The following DSE variants were observed in gnomAD, a reference collection of about 807,000 sequenced individuals.
DSE encodes the protein dermatan sulfate epimerase, also known as dermatan-sulfate epimerase.
In DSE, 36 loss-of-function variants were observed where a neutral mutation model predicts 84.4. That is an observed-to-expected ratio of 0.43 (90% CI 0.33 to 0.56). DSE has a LOEUF of 0.56. Among genes scored for constraint, DSE ranks in the 20% least tolerant of loss-of-function variants. The pLI is 0.06. For missense variants in DSE, 862 were observed against 1,169.6 expected (o/e 0.74, Z 3.84); for synonymous variants, 410 against 430.1 (o/e 0.95, Z 0.58).
chr6:116,371,127 T>G lies in DSE; in HGVS notation c.-54+6T>G, dbSNP rs1485907989. 1 of 985,616 alleles carries G rather than the reference T, an allele frequency of 1.0e-6. No homozygotes were observed. Among genetic ancestry groups the G allele is most frequent in the African/African-American group, 1.8e-5 (1 of 57,072 alleles). 61.1% of individuals were successfully genotyped at this position (985,616 alleles called of 1,614,324 possible). A position where few individuals can be genotyped will look rare whatever the true frequency, so the allele number is the denominator to read the frequency against. ...CGAAGCCTCGGCTGGGAGCGGTAAGTGGAGGGGCGCGCAAGGGACGAGCTG... is the reference window on the plus strand; with the variant it reads ...CGAAGCCTCGGCTGGGAGCGGTAAGGGGAGGGGCGCGCAAGGGACGAGCTG... On this transcript the variant is annotated splice_donor_region_variant and intron_variant, in intron 1 of 5. Coordinates refer to ENST00000644252, the MANE Select transcript of DSE (RefSeq NM_013352.4).
chr6:116,429,561 C>T (rs1027136708), intron 3 of DSE, among the ~76,000 whole-genome samples: 3 of 151,998 alleles, frequency 2.0e-5, no homozygotes, highest in Admixed American at 1.3e-4. Flanking sequence ...AACAAGTCAG[C>T]GTTTCTGTTT....
intron 1 of DSE, among the ~76,000 whole-genome samples, chr6:116,390,161 A>T (rs1780808487): frequency 6.6e-6 from 1 of 151,836 alleles, no homozygotes; most frequent in East Asian, 1.9e-4. Context: ...TCTGCCACCC[A>T]GCTTCAAGCG....
chr6:116,367,396 G>C (rs1252296844), upstream of DSE, among the ~76,000 whole-genome samples: 1 of 152,170 alleles, frequency 6.6e-6, no homozygotes, highest in Non-Finnish European at 1.5e-5. Context: ...GTATAGTCAT[G>C]GACCAGACTG....
chr6:116,279,282 C>A lies in DSE; in HGVS notation c.-54+20315C>A. 1.2e-5 allele frequency: 19 copies of A among 1,569,140 alleles called. No individual in the cohort carries two copies. The highest frequency in any genetic ancestry group is 1.6e-5 in the Non-Finnish European group (19 of 1,170,160). On this transcript the variant is annotated intron_variant, in intron 2 of 3. Coordinates refer to the DSE transcript ENST00000430252. ...CCTCCATCTGCTCCTCCATTACCTC[C>A]TTCTCCGCCAGGCCTTCCTTCACCA... is the stretch of plus-strand genomic sequence containing the variant.
intron 2 of DSE, among the ~76,000 whole-genome samples, chr6:116,289,932 C>T (rs1774175421): frequency 6.6e-6 from 1 of 152,008 alleles, no homozygotes; most frequent in Admixed American, 6.6e-5. Context: ...TTTCATTCAT[C>T]ATCATAAATA....
At chr6:116,369,369 C>T (rs981333462), upstream of DSE, among the ~76,000 whole-genome samples, 6 of 152,222 alleles carry the variant, frequency 3.9e-5, no homozygotes, top group Non-Finnish European at 5.9e-5. Flanking sequence ...TACAGCTAGA[C>T]ACTTTCACAA....
intron 2 of DSE, among the ~76,000 whole-genome samples, chr6:116,259,609 CTT>C (rs1772317323): frequency 6.6e-6 from 1 of 152,200 alleles, no homozygotes; most frequent in Non-Finnish European, 1.5e-5. Context: ...AGATATTAAA[CTT>C]AGTACCTATG....
intron 2 of DSE, among the ~76,000 whole-genome samples, chr6:116,410,247 C>T (rs1029037802): frequency 1.3e-5 from 2 of 152,134 alleles, no homozygotes; most frequent in South Asian, 4.1e-4. Flanking sequence ...TAGGACTTTG[C>T]CAGTCACTCC....
intron 2 of DSE, among the ~76,000 whole-genome samples, chr6:116,324,859 T>C (rs1562230843): frequency 6.6e-6 from 1 of 152,204 alleles, no homozygotes; most frequent in Non-Finnish European, 1.5e-5. Context: ...GCAGTCCATT[T>C]CTGCCTGTGT....
At chr6:116,344,526 G>T (rs1282712808) in intron 2 of DSE, among the ~76,000 whole-genome samples, 1 of 147,600 alleles carries the variant, frequency 6.8e-6, no homozygotes, top group Non-Finnish European at 1.5e-5. Context: ...TTCATATCCA[G>T]CCAAACTAAG....
intron 2 of DSE, among the ~76,000 whole-genome samples, chr6:116,284,483 C>G (rs1022843456): frequency 3.9e-5 from 6 of 152,126 alleles, no homozygotes; most frequent in African/African-American, 1.4e-4. Context: ...CCTGTACTCT[C>G]TGAACAAGTG....
intron 1 of DSE, among the ~76,000 whole-genome samples, chr6:116,390,303 A>G (rs749457030): frequency 3.2e-4 from 49 of 152,270 alleles, no homozygotes; most frequent in Non-Finnish European, 6.2e-4. Flanking sequence ...TCCTGGGCTC[A>G]AGTGCTGCAA....
intron 2 of DSE, among the ~76,000 whole-genome samples, chr6:116,360,871 A>G (rs1272323988): frequency 2.0e-5 from 3 of 152,050 alleles, no homozygotes; most frequent in African/African-American, 7.2e-5. Flanking sequence ...ATGTGCTAAT[A>G]TTTGTGCTGA....
intron 2 of DSE, among the ~76,000 whole-genome samples, chr6:116,353,971 G>A (rs540224537): frequency 1.3e-5 from 2 of 152,158 alleles, no homozygotes; most frequent in Non-Finnish European, 2.9e-5. Flanking sequence ...GCAGTCTTCA[G>A]ATACTGAATT....
Position 116,307,363 on chromosome 6 carries a change from T to C in DSE, c.-54+48396T>C, listed in dbSNP as rs372464241. 1.1e-4 allele frequency among the ~76,000 whole-genome samples: 16 copies of C among 152,228 alleles called. 1 individual carries two copies. In the East Asian group the frequency reaches 1.7e-3, roughly 16 times the overall value. On this transcript the variant is annotated intron_variant, in intron 2 of 3. Transcript: ENST00000430252. ...AGTTTCTAGTCAAGCCGATGCATTG[T>C]ATATGCTCCTACTTGCCTGTTCCTA...
chr6:116,311,632 T>G (rs1775700590), intron 2 of DSE, among the ~76,000 whole-genome samples: 1 of 152,210 alleles, frequency 6.6e-6, no homozygotes, highest in African/African-American at 2.4e-5. Context: ...AGCTCTGAAA[T>G]AAAGTGAAAA....
At position 116,437,370 on chromosome 6, in the gene DSE, C is replaced by A. The variant is rs770619495; in HGVS notation, c.*25C>A. On this transcript the variant is annotated 3_prime_UTR_variant, in exon 6 of 6. Transcript: ENST00000644252. ...GCACTGAAGCTATAAATTACCTGGT[C>A]ATTTTGTGATCACAAGAGTCTATGC... 3 of 1,534,288 alleles carry A rather than the reference C, an allele frequency of 2.0e-6. No individual in the cohort carries two copies. The highest frequency in any genetic ancestry group is 1.3e-5 in the South Asian group (1 of 77,076).
chr6:116,373,545 T>C (rs1779740176), intron 1 of DSE, among the ~76,000 whole-genome samples: 1 of 152,226 alleles, frequency 6.6e-6, no homozygotes, highest in South Asian at 2.1e-4. Context: ...ACCATCTTAG[T>C]GACTAATGTT....
chr6:116,333,822 C>T lies in DSE; in HGVS notation c.-53-65376C>T, dbSNP rs551673595. Among the ~76,000 whole-genome samples the T allele has an allele frequency of 3.3e-5, 5 of 152,110 alleles. No individual in the cohort carries two copies. The South Asian group carries it at 1.0e-3, about 31-fold the overall frequency. On this transcript the variant is annotated intron_variant, in intron 2 of 3. Transcript: ENST00000430252. Reference sequence around the variant, plus strand: ...AAATTTAAAAATATCACTTTAATTACATTACTTGATGCCTTTTGCTCCCTA... The same window carrying T: ...AAATTTAAAAATATCACTTTAATTATATTACTTGATGCCTTTTGCTCCCTA...
Sources: gnomAD v4.1 joint callset for allele counts (sites outside exome capture counted in the v4.1 genomes callset) on GRCh38, gnomAD v4.1.1 for gene constraint, MANE v1.5 for transcripts, NCBI Gene and HGNC (gene_info 2026-07-23, HGNC 2026-07-21) for gene names.